The following PHKA2 variants were observed in gnomAD, a reference collection of about 807,000 sequenced individuals.
PHKA2 encodes phosphorylase kinase regulatory subunit alpha 2, also known as phosphorylase b kinase regulatory subunit alpha, liver isoform.
In PHKA2, 31 loss-of-function variants were observed where a neutral mutation model predicts 102.0. The observed-to-expected ratio is 0.30, with a 90% CI of 0.23 to 0.41. The LOEUF (loss-of-function observed/expected upper bound fraction) is 0.41, where lower values mean the gene tolerates loss of function less well. Ranked by LOEUF, PHKA2 falls within the 10% of genes least tolerant of loss-of-function variation. PHKA2 has a pLI of 1.00. For synonymous variants in PHKA2, 455 were observed against 416.2 expected (o/e 1.09, Z -1.13); for missense variants, 858 against 1,023.1 (o/e 0.84, Z 2.20).
chrX:18,894,941 GA>G, intron 31 of PHKA2, 196 bp downstream of exon 31: 2 of 478,148 alleles, frequency 4.2e-6, no homozygotes, highest in Non-Finnish European at 3.7e-6. Flanking sequence ...CTCAGGTGAA[GA>G]AAAAGGCTGA....
chrX:18,982,047 T>C (rs780965943), intron 1 of PHKA2, among the ~76,000 whole-genome samples: 19 of 111,700 alleles, frequency 1.7e-4, no homozygotes, highest in Non-Finnish European at 2.4e-4. Context: ...GTTTTTCAAC[T>C]TGGATTTTAA....
chrX:18,900,433 T>A (rs2047659747), intron 28 of PHKA2, among the ~76,000 whole-genome samples: 1 of 111,391 alleles, frequency 9.0e-6, no homozygotes, highest in African/African-American at 3.3e-5. Flanking sequence ...GCCTGGATGA[T>A]CTCTTTCACA....
At chrX:18,948,695 C>G (rs752907827) in intron 5 of PHKA2, 49 bp downstream of exon 5, 1 of 877,546 alleles carries the variant, frequency 1.1e-6, no homozygotes, top group Non-Finnish European at 1.7e-6. Flanking sequence ...GATTTTTATT[C>G]TTTTTGTTGA....
At chrX:18,897,781 G>A in intron 29 of PHKA2, 1 of 139,706 alleles carries the variant, frequency 7.2e-6, no homozygotes, top group Non-Finnish European at 1.4e-5. Context: ...GAGCTGCCCG[G>A]AAGCCTTCAC....
intron 10 of PHKA2, among the ~76,000 whole-genome samples, 197 bp downstream of exon 10, chrX:18,938,430 T>C (rs770254689): frequency 3.5e-5 from 4 of 113,546 alleles, no homozygotes; most frequent in Non-Finnish European, 7.5e-5. Flanking sequence ...TGCTGGGCTC[T>C]GCCCAAATTG....
chrX:18,924,210 A>C lies in PHKA2; in HGVS notation c.1715-76T>G, dbSNP rs926993447. The stretch of plus-strand genomic sequence containing the variant: ...GTTATGCACTGAAACATTTTCATCA[A>C]CACCATCTAATTAAAATATTTCTGG... On this transcript the variant is annotated intron_variant, in intron 16 of 32. Coordinates refer to ENST00000379942, the MANE Select transcript of PHKA2 (RefSeq NM_000292.3). 3.3e-6 allele frequency: 3 copies of C among 916,495 alleles called. No homozygotes were observed. In the African/African-American group the frequency reaches 5.8e-5, roughly 18 times the overall value. The allele number at this position is 916,495 out of a possible 1,213,427, so 75.5% of individuals were successfully genotyped here.
At chrX:18,980,039 T>C (rs1422259338) in intron 1 of PHKA2, among the ~76,000 whole-genome samples, 1 of 112,530 alleles carries the variant, frequency 8.9e-6, no homozygotes, top group Non-Finnish European at 1.9e-5. Flanking sequence ...AAAACATGTG[T>C]TGTATGCAAT....
chrX:18,910,791 T>C, intron 20 of PHKA2, 81 bp downstream of exon 20: 1 of 563,152 alleles, frequency 1.8e-6, no homozygotes, highest in East Asian at 4.0e-5. Context: ...CTTTTGAGTT[T>C]AGCCATTTGG....
chrX:18,973,645 C>A (rs1357613802), intron 1 of PHKA2, among the ~76,000 whole-genome samples: 1 of 112,004 alleles, frequency 8.9e-6, no homozygotes. Flanking sequence ...CTCTCTTTAT[C>A]TTTTATCTGA....
chrX:18,975,834 GGTCCCCTACA>G (rs1396036074), intron 1 of PHKA2, among the ~76,000 whole-genome samples: 1 of 110,393 alleles, frequency 9.1e-6, no homozygotes, highest in Non-Finnish European at 1.9e-5. Context: ...TTTGCTCCTT[GGTCCCCTACA>G]GTCAATATTC....
At chrX:18,942,468 T>C (rs751610406) in intron 7 of PHKA2, among the ~76,000 whole-genome samples, 3 of 111,562 alleles carry the variant, frequency 2.7e-5, no homozygotes, top group Non-Finnish European at 5.6e-5. Context: ...GAGCAGCTAG[T>C]AAGTGACAGA....
At chrX:18,932,499 A>T (rs2048332103) in intron 11 of PHKA2, among the ~76,000 whole-genome samples, 1 of 110,320 alleles carries the variant, frequency 9.1e-6, no homozygotes, top group Admixed American at 9.8e-5. Context: ...CAAGGGGAAC[A>T]TCACACCATG....
At position 18,901,007 on chromosome X, in the gene PHKA2, A is replaced by G. The variant is rs1426756956; in HGVS notation, c.3028-308T>C. ...GGCCCTGTGCGGTCAGTTCAAAAGG[A>G]TTTTTTTTTTTTTTTTTTTTACCAG... On this transcript the variant is annotated intron_variant, in intron 27 of 32. Coordinates refer to ENST00000379942, the MANE Select transcript of PHKA2 (RefSeq NM_000292.3). 2.0e-3 allele frequency among the ~76,000 whole-genome samples: 180 copies of G among 90,933 alleles called. 2 individuals carry two copies. Among genetic ancestry groups the G allele is most frequent in the Non-Finnish European group, 3.4e-3 (152 of 45,067 alleles). 79.0% of individuals were successfully genotyped at this position (90,933 alleles called of 115,157 possible).
intron 1 of PHKA2, among the ~76,000 whole-genome samples, chrX:18,969,181 C>T (rs2048985735): frequency 9.0e-6 from 1 of 111,177 alleles, no homozygotes; most frequent in South Asian, 3.7e-4. Flanking sequence ...TTATCACTGG[C>T]AACAAATATT....
intron 1 of PHKA2, among the ~76,000 whole-genome samples, chrX:18,956,593 A>G (rs2048778796): frequency 8.9e-6 from 1 of 112,276 alleles, no homozygotes. Flanking sequence ...TAACTGTTGG[A>G]GTAGATTAGT....
chrX:18,974,315 C>A (rs765536335), intron 1 of PHKA2, among the ~76,000 whole-genome samples: 1 of 111,733 alleles, frequency 8.9e-6, no homozygotes, highest in South Asian at 3.7e-4. Context: ...TCCTTCCCTT[C>A]TCTCTTGAAT....
At chrX:18,954,200 AGTTCAAG>A in intron 2 of PHKA2, 47 bp downstream of exon 2, 1 of 1,165,358 alleles carries the variant, frequency 8.6e-7, no homozygotes, top group East Asian at 3.0e-5. Flanking sequence ...TGGGTTTTTC[AGTTCAAG>A]GAGAAGGTGG....
At position 18,954,435 on chromosome X, in the gene PHKA2, TG is replaced by T. The variant is rs372467630; in HGVS notation, c.79-24del. 1,621 of 1,201,265 alleles carry T rather than the reference TG, an allele frequency of 1.3e-3. 16 individuals are homozygous for T. The African/African-American group carries it at 0.021, about 16-fold the overall frequency. On this transcript the variant is annotated intron_variant, in intron 1 of 32. Coordinates refer to ENST00000379942, the MANE Select transcript of PHKA2 (RefSeq NM_000292.3). ...ATTCTATTAGAGAAGAGACACAAAA[TG>T]GCTCAGTGCCATCCTTCATGCAGTC... is the stretch of plus-strand genomic sequence containing the variant.
chrX:18,916,357 C>T (rs927121280), intron 19 of PHKA2, among the ~76,000 whole-genome samples: 1 of 111,874 alleles, frequency 8.9e-6, no homozygotes, highest in South Asian at 3.7e-4. Context: ...TCGCTTGAAC[C>T]CAGGAGGCGG....
Sources: allele counts gnomAD v4.1 joint callset (sites outside exome capture counted in the v4.1 genomes callset), GRCh38; gene constraint gnomAD v4.1.1; transcripts MANE v1.5; gene names NCBI Gene and HGNC (gene_info 2026-07-23, HGNC 2026-07-21).